Variants in TGM6 observed in about 807,000 individuals in gnomAD.
The protein encoded by TGM6 is protein-glutamine gamma-glutamyltransferase 6.
TGM6 carries 74 observed loss-of-function variants against 77.5 expected under a neutral mutation model. The observed-to-expected ratio is 0.96, with a 90% confidence interval of 0.79 to 1.16. The LOEUF (loss-of-function observed/expected upper bound fraction) is 1.16. Ranked by LOEUF, TGM6 falls within the 50% of genes most tolerant of loss-of-function variation. The pLI is 0.00. For synonymous variants in TGM6, 383 were observed against 378.9 expected (o/e 1.01, Z -0.12); for missense variants, 968 against 940.2 (o/e 1.03, Z -0.39).
At chr20:2,385,384 G>T (rs370990522) in intron 1 of TGM6, among the ~76,000 whole-genome samples, 4 of 152,006 alleles carry the variant, frequency 2.6e-5, no homozygotes, top group African/African-American at 7.3e-5. Flanking sequence ...TGAGGTGGGG[G>T]TTGTCTTGTA....
chr20:2,423,214 G>A (rs1048149829), intron 10 of TGM6, among the ~76,000 whole-genome samples: 9 of 151,866 alleles, frequency 5.9e-5, no homozygotes, highest in Non-Finnish European at 7.4e-5. Context: ...AGACAACAAC[G>A]AAATTCGCCA....
intron 1 of TGM6, among the ~76,000 whole-genome samples, chr20:2,387,311 G>A (rs1334471267): frequency 6.6e-6 from 1 of 152,206 alleles, no homozygotes; most frequent in East Asian, 1.9e-4. Context: ...TGATGTGAAA[G>A]ATTTGGTTTT....
At chr20:2,408,220 T>A (rs73071397) in intron 9 of TGM6, among the ~76,000 whole-genome samples, 2,021 of 152,180 alleles carry the variant, frequency 0.013, 22 homozygotes, top group Middle Eastern at 0.041. Context: ...CCTCTCTGAG[T>A]CATGAGCCCT....
At chr20:2,387,004 C>T (rs1434037932) in intron 1 of TGM6, among the ~76,000 whole-genome samples, 3 of 152,224 alleles carry the variant, frequency 2.0e-5, no homozygotes, top group Non-Finnish European at 4.4e-5. Context: ...CCTGTCCCTA[C>T]ATACATTGCT....
intron 10 of TGM6, among the ~76,000 whole-genome samples, chr20:2,426,498 C>T (rs554620549): frequency 1.3e-5 from 2 of 152,186 alleles, no homozygotes; most frequent in East Asian, 1.9e-4. Context: ...AATCTGTATA[C>T]ATTTTATTTC....
chr20:2,418,109 T>C (rs1245091236), intron 10 of TGM6, among the ~76,000 whole-genome samples: 4 of 151,854 alleles, frequency 2.6e-5, no homozygotes, highest in Non-Finnish European at 1.5e-5. Flanking sequence ...ACCTCCCGGG[T>C]TCAAGGGCTT....
Position 2,395,272 on chromosome 20 carries a change from C to A in TGM6, c.260C>A (p.Ala87Glu). 1 of 1,614,164 alleles carries A rather than the reference C, an allele frequency of 6.2e-7. No individual in the cohort carries two copies. Residue 87 changes from alanine to glutamate, a missense_variant, in exon 3 of 13, where the codon GCA becomes GAA. Transcript: ENST00000202625. ...SELERGEGWT[A>E]AREAQMEKTL... ...CTGGAGCGGGGTGAGGGCTGGACAG[C>A]AGCAAGGGAGGCTCAGATGGAGAAA...
chr20:2,428,857 T>C lies in TGM6; in HGVS notation c.1679-1589T>C, dbSNP rs1041165841. Among the ~76,000 whole-genome samples the C allele has an allele frequency of 1.3e-4, 20 of 152,198 alleles. 1 individual carries two copies. The highest frequency in any genetic ancestry group is 7.2e-4 in the Admixed American group (11 of 15,278). ...TTGTTATTTTGAGATAGAGTCTCTCTCTGTCGCTCAGGCTGGAGTGCAGTG... is the reference window on the plus strand; with the variant it reads ...TTGTTATTTTGAGATAGAGTCTCTCCCTGTCGCTCAGGCTGGAGTGCAGTG... On this transcript the variant is annotated intron_variant, in intron 10 of 12. Coordinates refer to ENST00000202625, the MANE Select transcript of TGM6 (RefSeq NM_198994.3).
At chr20:2,403,852 C>T in intron 9 of TGM6, 29 bp downstream of exon 9, 1 of 1,613,758 alleles carries the variant, frequency 6.2e-7, no homozygotes. Context: ...CCTTTATTAC[C>T]TTCCCCCGGA....
chr20:2,409,124 A>C (rs1410662454), intron 9 of TGM6, among the ~76,000 whole-genome samples: 1 of 152,216 alleles, frequency 6.6e-6, no homozygotes, highest in Non-Finnish European at 1.5e-5. Flanking sequence ...GAAATCATAC[A>C]AAGTGTATAA....
chr20:2,399,569 C>A lies in TGM6; in HGVS notation c.681C>A (p.Ser227Arg). ...VTRVISAMVN[S>R]NNDRGVVQGQ... is the part of the protein sequence containing the mutation. ...TGCCCTCCTCTGCCCAGGTGAACAG[C>A]AACAACGACCGAGGTGTGGTGCAAG... Residue 227 changes from serine to arginine, a missense_variant, in exon 6 of 13, where the codon AGC becomes AGA. Physicochemically the swap from Ser to Arg is moderately radical, Grantham distance 110 (BLOSUM62 -1). Coordinates refer to ENST00000202625, the MANE Select transcript of TGM6 (RefSeq NM_198994.3). 6.2e-7 allele frequency: 1 copy of A among 1,612,744 alleles called. No individual in the cohort carries two copies. The highest frequency in any genetic ancestry group is 1.1e-5 in the South Asian group (1 of 91,020).
At chr20:2,407,769 C>T (rs1159758006) in intron 9 of TGM6, among the ~76,000 whole-genome samples, 3 of 152,226 alleles carry the variant, frequency 2.0e-5, no homozygotes, top group South Asian at 4.1e-4. Flanking sequence ...GACTGCACAT[C>T]TTCGCTGAGT....
chr20:2,395,022 G>T (rs1309449908), intron 2 of TGM6, among the ~76,000 whole-genome samples, 172 bp from the exon 3 acceptor site: 6 of 152,262 alleles, frequency 3.9e-5, no homozygotes, highest in African/African-American at 7.2e-5. Flanking sequence ...GGCAGCTGAG[G>T]TGGACCCTCA....
chr20:2,385,179 A>G (rs144648745), intron 1 of TGM6, among the ~76,000 whole-genome samples: 33 of 152,254 alleles, frequency 2.2e-4, no homozygotes, highest in African/African-American at 7.9e-4. Flanking sequence ...GAGGATAATG[A>G]TGATAATGGC....
At chr20:2,415,231 T>C (rs1177635751) in intron 9 of TGM6, among the ~76,000 whole-genome samples, 1 of 152,150 alleles carries the variant, frequency 6.6e-6, no homozygotes, top group Non-Finnish European at 1.5e-5. Flanking sequence ...AACCTTGGTG[T>C]TCACAGCAAC....
chr20:2,430,634 A>G, intron 11 of TGM6, 34 bp downstream of exon 11: 1 of 1,613,328 alleles, frequency 6.2e-7, no homozygotes, highest in Non-Finnish European at 8.5e-7. Flanking sequence ...TGCTGTTCCT[A>G]GTGGCACCCA....
chr20:2,388,072 GTGTCACTC>G (rs906477085), intron 1 of TGM6, among the ~76,000 whole-genome samples: 5 of 152,180 alleles, frequency 3.3e-5, no homozygotes, highest in African/African-American at 4.8e-5. Flanking sequence ...AAGTCACAAT[GTGTCACTC>G]TGTCTTAGCC....
intron 9 of TGM6, among the ~76,000 whole-genome samples, chr20:2,404,823 T>C (rs1400611755): frequency 6.6e-6 from 1 of 152,132 alleles, no homozygotes; most frequent in Non-Finnish European, 1.5e-5. Context: ...GTATTTTTAG[T>C]AGAGACGGGG....
At chr20:2,399,456 C>A (rs140385050) in intron 5 of TGM6, 105 bp from the exon 6 acceptor site, 2 of 1,517,222 alleles carry the variant, frequency 1.3e-6, no homozygotes, top group East Asian at 2.3e-5. Context: ...GCAAGAGTGA[C>A]CCCGATGGAC....
Sources: allele counts gnomAD v4.1 joint callset (sites outside exome capture counted in the v4.1 genomes callset), GRCh38; gene constraint gnomAD v4.1.1; transcripts MANE v1.5; gene names NCBI Gene and HGNC (gene_info 2026-07-23, HGNC 2026-07-21).